Variants in SULF1 observed in about 807,000 individuals in gnomAD.
SULF1 encodes sulfatase 1, also known as extracellular sulfatase Sulf-1.
A neutral mutation model predicts 110.5 loss-of-function variants in SULF1; 46 were observed. The observed-to-expected ratio is 0.42, with a 90% CI of 0.33 to 0.53. The LOEUF is 0.53. Among genes scored for constraint, SULF1 ranks in the 20% least tolerant of loss-of-function variants. The pLI is 0.12. For synonymous variants in SULF1, 371 were observed against 387.1 expected, an observed-to-expected ratio of 0.96 and a Z score of 0.49; for missense variants, 941 against 1,094.2, an observed-to-expected ratio of 0.86 and a Z score of 1.98.
intron 1 of SULF1, among the ~76,000 whole-genome samples, chr8:69,482,945 T>A (rs1019900017): frequency 2.6e-5 from 4 of 152,004 alleles, no homozygotes; most frequent in Non-Finnish European, 4.4e-5. Flanking sequence ...AGAAAAACTA[T>A]TCAGGGGAAA....
intron 3 of SULF1, among the ~76,000 whole-genome samples, chr8:69,510,617 T>G (rs1472767993): frequency 1.2e-5 from 1 of 85,868 alleles, no homozygotes; most frequent in East Asian, 4.2e-4. Flanking sequence ...TGGGTTTTTT[T>G]TTGTTTTTTT....
At chr8:69,521,851 A>AG (rs1405258040) in intron 3 of SULF1, among the ~76,000 whole-genome samples, 1 of 152,060 alleles carries the variant, frequency 6.6e-6, no homozygotes, top group Admixed American at 6.6e-5. Context: ...TAAAAAAAAA[A>AG]AAAAAAGAAA....
At chr8:69,521,073 T>A (rs955218104) in intron 3 of SULF1, among the ~76,000 whole-genome samples, 11 of 152,126 alleles carry the variant, frequency 7.2e-5, no homozygotes, top group African/African-American at 2.2e-4. Flanking sequence ...TTAATAGAGG[T>A]TCTAGTGTCA....
intron 22 of SULF1, among the ~76,000 whole-genome samples, chr8:69,652,690 T>C (rs184504775): frequency 3.3e-5 from 5 of 152,360 alleles, no homozygotes; most frequent in African/African-American, 1.2e-4. Context: ...ATACAGACTG[T>C]AGCCTACTCT....
chr8:69,496,759 A>T (rs1810388036), intron 2 of SULF1, among the ~76,000 whole-genome samples: 2 of 152,206 alleles, frequency 1.3e-5, no homozygotes, highest in South Asian at 4.1e-4. Flanking sequence ...TAGCCGACAT[A>T]ATGATTTACT....
At chr8:69,618,742 T>G (rs994124310) in intron 13 of SULF1, among the ~76,000 whole-genome samples, 1 of 152,192 alleles carries the variant, frequency 6.6e-6, no homozygotes, top group Admixed American at 6.5e-5. Context: ...AGCAAAATCA[T>G]AGAAGAAGTC....
At chr8:69,552,534 A>AT (rs1413571878) in intron 3 of SULF1, among the ~76,000 whole-genome samples, 2 of 152,210 alleles carry the variant, frequency 1.3e-5, no homozygotes, top group Non-Finnish European at 2.9e-5. Context: ...ACATAAGGAC[A>AT]TTTTTCTTAG....
At chr8:69,479,395 C>T (rs1563456597) in intron 1 of SULF1, among the ~76,000 whole-genome samples, 2 of 152,062 alleles carry the variant, frequency 1.3e-5, no homozygotes, top group African/African-American at 4.8e-5. Flanking sequence ...CATAGTAAAT[C>T]GTATTGGGTG....
At chr8:69,646,250 T>C (rs1432237706) in intron 22 of SULF1, among the ~76,000 whole-genome samples, 2 of 152,232 alleles carry the variant, frequency 1.3e-5, no homozygotes, top group African/African-American at 4.8e-5. Context: ...GAGAATAGTT[T>C]TGTGAGTCAC....
At chr8:69,626,639 G>T (rs1037842798) in intron 15 of SULF1, among the ~76,000 whole-genome samples, 7 of 152,342 alleles carry the variant, frequency 4.6e-5, no homozygotes, top group Admixed American at 3.9e-4. Flanking sequence ...CGGGAAGGCA[G>T]CTAAGGCCCG....
intron 8 of SULF1, chr8:69,593,113 C>G (rs1807028716): frequency 3.8e-6 from 1 of 263,546 alleles, no homozygotes. Context: ...TCCTGCAGGC[C>G]CTGAAAGCCT....
intron 22 of SULF1, among the ~76,000 whole-genome samples, chr8:69,656,311 GTTGT>G (rs1380632532): frequency 6.6e-6 from 1 of 152,146 alleles, no homozygotes; most frequent in African/African-American, 2.4e-5. Context: ...TGTTGTCGTT[GTTGT>G]TTATTTTATT....
At chr8:69,642,073 A>T (rs1270655794) in intron 22 of SULF1, among the ~76,000 whole-genome samples, 2 of 152,222 alleles carry the variant, frequency 1.3e-5, no homozygotes, top group Non-Finnish European at 2.9e-5. Flanking sequence ...TAGTTAATGT[A>T]TCCACTTGGG....
intron 19 of SULF1, among the ~76,000 whole-genome samples, chr8:69,635,239 C>G (rs1000193987): frequency 4.6e-5 from 7 of 152,210 alleles, no homozygotes; most frequent in African/African-American, 1.7e-4. Flanking sequence ...TGTCATCATG[C>G]ATTGTCCAAA....
intron 3 of SULF1, among the ~76,000 whole-genome samples, chr8:69,507,025 T>C (rs1477909290): frequency 6.6e-6 from 1 of 152,148 alleles, no homozygotes; most frequent in Non-Finnish European, 1.5e-5. Flanking sequence ...CCAAACATCT[T>C]GAAGACAGGT....
chr8:69,581,952 C>T (rs1409609204), intron 6 of SULF1, among the ~76,000 whole-genome samples: 2 of 151,468 alleles, frequency 1.3e-5, no homozygotes, highest in Non-Finnish European at 3.0e-5. Context: ...ATTTCTTACG[C>T]TCCGTTAACA....
chr8:69,645,162 G>A (rs1270619359), intron 22 of SULF1, among the ~76,000 whole-genome samples: 1 of 152,180 alleles, frequency 6.6e-6, no homozygotes, highest in African/African-American at 2.4e-5. Flanking sequence ...TCCAGCCAAA[G>A]CTCGGCCATG....
chr8:69,517,430 T>G (rs1308260504), intron 3 of SULF1, among the ~76,000 whole-genome samples: 1 of 152,226 alleles, frequency 6.6e-6, no homozygotes, highest in East Asian at 1.9e-4. Flanking sequence ...TTCTTTCCTT[T>G]TAAGCTAATT....
intron 22 of SULF1, among the ~76,000 whole-genome samples, chr8:69,652,782 A>G (rs749389583): frequency 6.6e-6 from 1 of 152,196 alleles, no homozygotes; most frequent in Non-Finnish European, 1.5e-5. Flanking sequence ...CTGAGCTGTA[A>G]CCAATCTGGC....
Sources: allele counts gnomAD v4.1 joint callset (sites outside exome capture counted in the v4.1 genomes callset), GRCh38; gene constraint gnomAD v4.1.1; transcripts MANE v1.5; gene names NCBI Gene and HGNC (gene_info 2026-07-23, HGNC 2026-07-21).